Variants in CELF2 observed in about 807,000 individuals in gnomAD.
CELF2 encodes the protein CUG triplet repeat RNA-binding protein 2.
Under a neutral mutation model 62.6 loss-of-function variants are expected in CELF2, and 8 were observed. The observed-to-expected ratio is 0.13, with a 90% CI of 0.07 to 0.23. The LOEUF (loss-of-function observed/expected upper bound fraction) is 0.23. Among genes scored for constraint, CELF2 ranks in the 10% least tolerant of loss-of-function variants. The pLI is 1.00. For missense variants in CELF2, 333 were observed against 671.0 expected, an observed-to-expected ratio of 0.50 and a Z score of 5.56; for synonymous variants, 258 against 250.0, an observed-to-expected ratio of 1.03 and a Z score of -0.30.
the CELF2 span, among the ~76,000 whole-genome samples, chr10:10,711,203 A>G: frequency 6.6e-6 from 1 of 152,172 alleles, no homozygotes; most frequent in South Asian, 2.1e-4. Flanking sequence ...CTTTATATTG[A>G]CGCCTAAAAG....
chr10:11,271,740 C>T (rs1337007326), intron 7 of CELF2, among the ~76,000 whole-genome samples: 1 of 151,158 alleles, frequency 6.6e-6, no homozygotes, highest in African/African-American at 2.4e-5. Context: ...TGTGTGTACC[C>T]CATGTGTATT....
At chr10:11,181,243 G>A (rs190075234) in intron 2 of CELF2, among the ~76,000 whole-genome samples, 128 of 152,216 alleles carry the variant, frequency 8.4e-4, no homozygotes, top group Non-Finnish European at 1.7e-3. Context: ...TCCTTGTTCG[G>A]TTCCAGGGTT....
intron 1 of CELF2, among the ~76,000 whole-genome samples, chr10:10,838,496 T>C (rs2058456744): frequency 6.6e-6 from 1 of 152,206 alleles, no homozygotes; most frequent in African/African-American, 2.4e-5. Flanking sequence ...CTACAAGAAG[T>C]ATTTGGAATT....
intron 2 of CELF2, among the ~76,000 whole-genome samples, chr10:10,974,033 T>C (rs1297649704): frequency 6.6e-6 from 1 of 152,194 alleles, no homozygotes; most frequent in African/African-American, 2.4e-5. Context: ...ACATGGACTT[T>C]GGGGTCAGAC....
At position 10,990,616 on chromosome 10, in the gene CELF2, G is replaced by C. The variant is rs548981769; in HGVS notation, c.89+70617G>C. 2.0e-5 allele frequency among the ~76,000 whole-genome samples: 3 copies of C among 152,160 alleles called. No individual in the cohort carries two copies. The highest frequency in any genetic ancestry group is 7.2e-5 in the African/African-American group (3 of 41,438). On this transcript the variant is annotated intron_variant, in intron 2 of 13. Transcript: ENST00000636488. This position sits in a 1 kb window ranked among gnomAD's most constrained non-coding sequence, Gnocchi z 4.6. ...AGTATAATAGTATAATATACGCTCA[G>C]TGGCAATTCAGTGTATTTCATAGAT...
chr10:10,663,582 C>T, the CELF2 span, among the ~76,000 whole-genome samples: 4 of 152,300 alleles, frequency 2.6e-5, 1 homozygote, highest in East Asian at 7.7e-4. Context: ...CACTATTTCT[C>T]ACATAATGCT....
intron 1 of CELF2, among the ~76,000 whole-genome samples, chr10:10,817,333 CTT>C (rs1400686005): frequency 6.6e-6 from 1 of 152,148 alleles, no homozygotes; most frequent in African/African-American, 2.4e-5. Flanking sequence ...CAATAGCACT[CTT>C]TAAATTATTT....
At chr10:10,492,877 G>C in the CELF2 span, among the ~76,000 whole-genome samples, 2 of 139,474 alleles carry the variant, frequency 1.4e-5, no homozygotes, top group Non-Finnish European at 3.1e-5. Context: ...AGTCTCATGA[G>C]AGCTGATGGT....
the CELF2 span, among the ~76,000 whole-genome samples, chr10:10,654,773 G>A: frequency 4.8e-5 from 7 of 146,598 alleles, no homozygotes; most frequent in East Asian, 4.0e-4. Flanking sequence ...TACTGAATGG[G>A]CAAAAACTGG....
Position 11,012,715 on chromosome 10 carries a change from G to A in CELF2, c.53+7275G>A, listed in dbSNP as rs768672604. 1.3e-5 allele frequency among the ~76,000 whole-genome samples: 2 copies of A among 152,136 alleles called. No individual in the cohort carries two copies. The highest frequency in any genetic ancestry group is 2.9e-5 in the Non-Finnish European group (2 of 68,026). On this transcript the variant is annotated intron_variant, in intron 1 of 12. Coordinates refer to the CELF2 transcript ENST00000416382. The surrounding 1 kb of genome is among the most constrained non-coding windows in gnomAD (Gnocchi z 5.5). ...GACCAGTTGGGGAAAACATGTCGTC[G>A]GGGTGGGGGCAGTGAGGGGTGGACT... is the stretch of plus-strand genomic sequence containing the variant.
the CELF2 span, among the ~76,000 whole-genome samples, chr10:10,730,201 G>T: frequency 6.6e-6 from 1 of 152,172 alleles, no homozygotes; most frequent in Non-Finnish European, 1.5e-5. Flanking sequence ...TTTTGGCTGG[G>T]CACAGTGGCT....
In CELF2 at chr10:10,838,862, G is replaced by A. The variant is rs536221123; in HGVS notation, c.53+40045G>A. On this transcript the variant is annotated intron_variant, in intron 1 of 13. Transcript: ENST00000636488. ...GGTTCTATTTATTAGAAAATAGGCC[G>A]GGCACAGTGGCTCACACCTGTAATC... Among the ~76,000 whole-genome samples, 14 of 152,126 alleles carry A rather than the reference G, an allele frequency of 9.2e-5. No homozygotes were observed. The East Asian group carries it at 1.2e-3, about 13-fold the overall frequency.
intron 1 of CELF2, among the ~76,000 whole-genome samples, chr10:11,068,764 G>T (rs1188955777): frequency 6.6e-6 from 1 of 152,100 alleles, no homozygotes; most frequent in Non-Finnish European, 1.5e-5. Context: ...GTTTCACCGT[G>T]TTAGCCAAGA....
At chr10:10,863,770 C>G (rs1384582827) in intron 1 of CELF2, among the ~76,000 whole-genome samples, 1 of 152,072 alleles carries the variant, frequency 6.6e-6, no homozygotes. Flanking sequence ...TTAGCTTGAG[C>G]CACTTCTTAT....
At chr10:10,921,698 A>G (rs2064934270) in intron 2 of CELF2, among the ~76,000 whole-genome samples, 1 of 152,180 alleles carries the variant, frequency 6.6e-6, no homozygotes, top group Non-Finnish European at 1.5e-5. Flanking sequence ...AGATGGGATC[A>G]GCTTGAGAGG....
chr10:10,615,529 T>C, the CELF2 span, among the ~76,000 whole-genome samples: 1 of 152,170 alleles, frequency 6.6e-6, no homozygotes, highest in African/African-American at 2.4e-5. Context: ...TTGATATGGT[T>C]TGAATTTGTG....
chr10:10,952,255 C>T (rs1163208879), intron 2 of CELF2: 1 of 152,224 alleles, frequency 6.6e-6, no homozygotes, highest in Non-Finnish European at 1.5e-5. Flanking sequence ...TCCTTCCCCC[C>T]TGAAGTTCCG....
At chr10:10,666,848 C>T in the CELF2 span, among the ~76,000 whole-genome samples, 2 of 61,652 alleles carry the variant, frequency 3.2e-5, no homozygotes, top group Non-Finnish European at 5.5e-5. Flanking sequence ...GGCGACAGAG[C>T]GAGACTCCGT....
the CELF2 span, among the ~76,000 whole-genome samples, chr10:10,591,026 C>T: frequency 6.6e-6 from 1 of 152,122 alleles, no homozygotes; most frequent in Non-Finnish European, 1.5e-5. Flanking sequence ...TATTTTCAAA[C>T]ATTTAATTCC....
Sources: gnomAD v4.1 joint callset for allele counts (sites outside exome capture counted in the v4.1 genomes callset) on GRCh38, gnomAD v4.1.1 for gene constraint, Gnocchi (gnomAD v3.1) non-coding constraint, MANE v1.5 for transcripts, NCBI Gene and HGNC (gene_info 2026-07-23, HGNC 2026-07-21) for gene names.